MSRA: variants seen among roughly 807,000 people sequenced by gnomAD.
MSRA encodes the protein methionine sulfoxide reductase A, also known as mitochondrial peptide methionine sulfoxide reductase.
Under a neutral mutation model 31.3 loss-of-function variants are expected in MSRA, and 54 were observed. The ratio of observed to expected loss-of-function variants is 1.73; its 90% CI spans 1.39 to 2.17. The LOEUF is 2.17. Among genes scored for constraint, MSRA ranks in the 30% most tolerant of loss-of-function variants. The pLI, the probability that MSRA is intolerant of heterozygous loss-of-function variation, is 0.00. For synonymous variants in MSRA, 169 were observed against 116.5 expected (o/e 1.45, Z -2.90); for missense variants, 507 against 300.9 (o/e 1.69, Z -5.07).
chr8:10,330,870 C>A (rs1387085102), intron 5 of MSRA, among the ~76,000 whole-genome samples: 2 of 152,100 alleles, frequency 1.3e-5, no homozygotes, highest in Non-Finnish European at 2.9e-5. Flanking sequence ...ATATCTGTGT[C>A]CCCCCAAATT....
chr8:10,255,246 C>T (rs1297985483), intron 3 of MSRA, among the ~76,000 whole-genome samples: 1 of 152,222 alleles, frequency 6.6e-6, no homozygotes, highest in Non-Finnish European at 1.5e-5. Flanking sequence ...TGCAAGGCTG[C>T]ACTTTGCATG....
chr8:10,079,601 G>A lies in MSRA; in HGVS notation c.142+24943G>A, dbSNP rs535085500. On this transcript the variant is annotated intron_variant, in intron 1 of 5. Transcript: ENST00000317173. ...CTGGTCTTAAGTGTCACATCATGAA[G>A]CTTTGGATCTCTTTCCTTCCCCGCA... Among the ~76,000 whole-genome samples, 5 of 152,314 alleles carry A rather than the reference G, an allele frequency of 3.3e-5. No individual in the cohort carries two copies. The South Asian group carries it at 1.0e-3, about 32-fold the overall frequency.
chr8:10,231,010 C>G (rs1214938260), intron 2 of MSRA, among the ~76,000 whole-genome samples: 1 of 152,202 alleles, frequency 6.6e-6, no homozygotes, highest in East Asian at 1.9e-4. Flanking sequence ...GTCTCGAACT[C>G]TTGACCTCAG....
intron 2 of MSRA, among the ~76,000 whole-genome samples, chr8:10,222,228 A>G (rs1049608467): frequency 6.6e-6 from 1 of 152,190 alleles, no homozygotes; most frequent in African/African-American, 2.4e-5. Context: ...TAATAATAAT[A>G]CAAAAAAAGC....
At chr8:10,386,663 A>G (rs756227477) in intron 5 of MSRA, among the ~76,000 whole-genome samples, 4 of 152,192 alleles carry the variant, frequency 2.6e-5, no homozygotes, top group Non-Finnish European at 5.9e-5. Flanking sequence ...CAAAATAGGC[A>G]TGTCTAACAA....
At chr8:10,111,585 T>G (rs1470777038) in intron 1 of MSRA, among the ~76,000 whole-genome samples, 3 of 152,188 alleles carry the variant, frequency 2.0e-5, no homozygotes, top group African/African-American at 7.2e-5. Context: ...GTTAACACAT[T>G]TATTTCCAAG....
chr8:10,335,257 T>G (rs1028634558), intron 5 of MSRA, among the ~76,000 whole-genome samples: 2 of 147,118 alleles, frequency 1.4e-5, no homozygotes, highest in Admixed American at 6.8e-5. Context: ...TCTGTTTTTT[T>G]TTTTTTTTTT....
intron 5 of MSRA, among the ~76,000 whole-genome samples, chr8:10,333,815 C>A (rs372314081): frequency 5.3e-5 from 8 of 152,216 alleles, no homozygotes; most frequent in African/African-American, 1.9e-4. Context: ...CCCCACCCCC[C>A]CCACGCTGAG....
At chr8:10,072,737 T>C (rs902880181) in intron 1 of MSRA, among the ~76,000 whole-genome samples, 1 of 152,248 alleles carries the variant, frequency 6.6e-6, no homozygotes, top group Non-Finnish European at 1.5e-5. Context: ...GCACAGCATG[T>C]CTTTCCATTT....
chr8:10,284,637 C>T (rs1428106563), intron 3 of MSRA, among the ~76,000 whole-genome samples: 1 of 152,176 alleles, frequency 6.6e-6, no homozygotes, highest in Non-Finnish European at 1.5e-5. Flanking sequence ...GGAGTGGCTC[C>T]TCATCTTCCT....
At chr8:10,283,802 CATATATATATATATATATAT>C (rs375322603) in intron 3 of MSRA, among the ~76,000 whole-genome samples, 1 of 46,164 alleles carries the variant, frequency 2.2e-5, no homozygotes, top group African/African-American at 1.1e-4. Context: ...TATTCTATCT[CATATATATATATATATATAT>C]ATATATATAT....
chr8:10,190,190 A>G (rs977433630), intron 1 of MSRA, among the ~76,000 whole-genome samples: 4 of 151,980 alleles, frequency 2.6e-5, no homozygotes, highest in African/African-American at 9.7e-5. Context: ...CTCTCTTGCC[A>G]TTTCTTTTGT....
intron 5 of MSRA, among the ~76,000 whole-genome samples, chr8:10,424,840 C>T (rs1251065821): frequency 2.0e-5 from 3 of 152,182 alleles, no homozygotes; most frequent in Non-Finnish European, 4.4e-5. Flanking sequence ...CCTGCAGGGC[C>T]CTGGAGGGAG....
At chr8:10,358,103 A>G (rs1010381412) in intron 5 of MSRA, among the ~76,000 whole-genome samples, 1 of 152,016 alleles carries the variant, frequency 6.6e-6, no homozygotes, top group Non-Finnish European at 1.5e-5. Context: ...TTGTATTATT[A>G]TCATTAGTGG....
intron 2 of MSRA, among the ~76,000 whole-genome samples, chr8:10,228,413 A>G (rs1053211330): frequency 6.6e-6 from 1 of 152,090 alleles, no homozygotes; most frequent in Admixed American, 6.5e-5. Flanking sequence ...CAGAAAATGC[A>G]CCTCTAATAG....
At chr8:10,405,834 A>G (rs979344542) in intron 5 of MSRA, among the ~76,000 whole-genome samples, 1 of 117,024 alleles carries the variant, frequency 8.5e-6, no homozygotes, top group Non-Finnish European at 2.2e-5. Flanking sequence ...CTCACACGTA[A>G]TCACAGACAT....
intron 1 of MSRA, among the ~76,000 whole-genome samples, chr8:10,150,055 C>G (rs572519049): frequency 2.0e-5 from 3 of 151,316 alleles, no homozygotes; most frequent in Non-Finnish European, 1.5e-5. Flanking sequence ...AAAAAGTGTC[C>G]TAATGACCCA....
chr8:10,108,141 C>G (rs1440137578), intron 1 of MSRA, among the ~76,000 whole-genome samples: 1 of 152,106 alleles, frequency 6.6e-6, no homozygotes, highest in Non-Finnish European at 1.5e-5. Flanking sequence ...TAAATTTTTT[C>G]TCCTTTACAC....
chr8:10,394,416 G>A (rs1806966027), intron 5 of MSRA, among the ~76,000 whole-genome samples: 1 of 152,188 alleles, frequency 6.6e-6, no homozygotes, highest in South Asian at 2.1e-4. Context: ...GGGAATTAAT[G>A]TTGTATCAAA....
Sources: gnomAD v4.1 joint callset for allele counts (sites outside exome capture counted in the v4.1 genomes callset) on GRCh38, gnomAD v4.1.1 for gene constraint, MANE v1.5 for transcripts, NCBI Gene and HGNC (gene_info 2026-07-23, HGNC 2026-07-21) for gene names.